MORC2: variants seen among roughly 807,000 people sequenced by gnomAD.
MORC2 encodes the protein MORC family CW-type zinc finger 2, also known as ATPase MORC2.
MORC2 carries 30 observed loss-of-function variants against 136.0 expected under a neutral mutation model. That is an observed-to-expected ratio of 0.22 (90% CI 0.17 to 0.30). The LOEUF (loss-of-function observed/expected upper bound fraction) is 0.30, where lower values mean the gene tolerates loss of function less well. Among genes scored for constraint, MORC2 ranks in the 10% least tolerant of loss-of-function variants. The probability of loss-of-function intolerance (pLI) is 1.00; values close to 1 mark genes in which losing one functional copy is unlikely to be tolerated. For missense variants in MORC2, 922 were observed against 1,333.1 expected (o/e 0.69, Z 4.80); for synonymous variants, 439 against 487.0 (o/e 0.90, Z 1.30).
chr22:30,946,564 GC>G (rs1040266280), intron 5 of MORC2, 115 bp from the exon 6 acceptor site: 34 of 817,682 alleles, frequency 4.2e-5, no homozygotes, highest in African/African-American at 1.0e-4. Context: ...TCTCCTAAAG[GC>G]CCCCCCAGGT....
At chr22:30,933,926 G>A in intron 20 of MORC2, 134 bp downstream of exon 20, 1 of 1,058,634 alleles carries the variant, frequency 9.4e-7, no homozygotes, top group Non-Finnish European at 1.4e-6. Flanking sequence ...ACTGCTGGTG[G>A]GGGGGGTAGA....
Position 30,935,071 on chromosome 22 carries a change from G to C in MORC2, c.1903C>G (p.Pro635Ala). ...TTTCGGGGCTGGCTGGCTGGTCTAG[G>C]AGTTGGCAAAGAAGGGGGTCTGCTG... ...APSRPPSLPT[P>A]RPASQPRKAP... The change falls in exon 19 of 26, where the codon CCT becomes GCT. Residue 635 changes from proline (P) to alanine (A), a missense_variant. Pro to Ala is a conservative substitution (Grantham distance 27). Around this residue, in one of 9 missense-constraint regions of MORC2, gnomAD observed 184 missense variants for 180.3 expected, o/e 1.02. Transcript: ENST00000397641. 1.2e-6 allele frequency: 2 copies of C among 1,614,010 alleles called. No individual in the cohort carries two copies. The highest frequency in any genetic ancestry group is 8.5e-7 in the Non-Finnish European group (1 of 1,180,022).
intron 20 of MORC2, 32 bp from the exon 21 acceptor site, chr22:30,933,552 C>T (rs1399441153): frequency 6.2e-7 from 1 of 1,610,558 alleles, no homozygotes; most frequent in Non-Finnish European, 8.5e-7. Context: ...AGAGGCATCC[C>T]CAGTGCCCCC....
At position 30,946,389 on chromosome 22, in the gene MORC2, G is replaced by A; in HGVS notation, c.378C>T (p.Thr126=). The change falls in exon 6 of 26, where the codon ACC becomes ACT. Residue 126 remains threonine, a synonymous_variant. Coordinates refer to ENST00000397641, the MANE Select transcript of MORC2 (RefSeq NM_001303256.3). ...ILFTKKEDTM[T]CLFLSRTFHE... Reference sequence around the variant, plus strand: ...GAAACGTGCGAGACAGGAAGAGGCAGGTCATGGTGTCTTCCTTCTTGGTGA... The same window carrying A: ...GAAACGTGCGAGACAGGAAGAGGCAAGTCATGGTGTCTTCCTTCTTGGTGA... 6.2e-7 allele frequency: 1 copy of A among 1,610,954 alleles called. No homozygotes were observed. Among genetic ancestry groups the A allele is most frequent in the Non-Finnish European group, 8.5e-7 (1 of 1,178,546 alleles).
chr22:30,946,362 A>G lies in MORC2; in HGVS notation c.405T>C (p.His135=), dbSNP rs144582460. 1.6e-4 allele frequency: 256 copies of G among 1,609,956 alleles called. No homozygotes were observed. The highest frequency in any genetic ancestry group is 3.0e-4 in the Admixed American group (18 of 59,590). Residue 135 remains histidine (H), a synonymous_variant, in exon 6 of 26, where the codon CAT becomes CAC. Transcript: ENST00000397641. ...MTCLFLSRTF[H]EEEGIDEVIV... is the part of the protein sequence containing the mutation. Reference sequence around the variant, plus strand: ...CTACTTCATCAATGCCTTCTTCCTCATGAAACGTGCGAGACAGGAAGAGGC... The same window carrying G: ...CTACTTCATCAATGCCTTCTTCCTCGTGAAACGTGCGAGACAGGAAGAGGC...
intron 10 of MORC2, 22 bp from the exon 11 acceptor site, chr22:30,940,063 G>GGT: frequency 1.9e-6 from 3 of 1,610,450 alleles, no homozygotes; most frequent in Non-Finnish European, 2.5e-6. Flanking sequence ...AAGAGAACAT[G>GGT]GTAAGAAATG....
intron 24 of MORC2, 28 bp from the exon 25 acceptor site, chr22:30,928,235 T>G: frequency 2.5e-6 from 4 of 1,612,964 alleles, no homozygotes; most frequent in Non-Finnish European, 3.4e-6. Context: ...AGAGGGAGAG[T>G]GTGTAAGTTC....
chr22:30,940,783 C>T lies in MORC2; in HGVS notation c.879G>A (p.Lys293=). ...RFKTRAEQEV[K]KAEHVARIAE... The stretch of plus-strand genomic sequence containing the variant: ...CAATCCTTGCTACGTGCTCTGCTTT[C>T]TTCACCTCCTGCTCCGCACGGGTCT... Residue 293 remains lysine, a synonymous_variant, in exon 10 of 26, where the codon AAG becomes AAA. Transcript: ENST00000397641. The T allele has an allele frequency of 6.2e-7, 1 of 1,614,166 alleles. No homozygotes were observed.
rs1470559462 is a variant in MORC2 at position 30,968,653 on chromosome 22, T to C, written c.-764A>G. 1.3e-5 allele frequency among the ~76,000 whole-genome samples: 2 copies of C among 151,874 alleles called. No individual in the cohort carries two copies. The highest frequency in any genetic ancestry group is 2.9e-5 in the Non-Finnish European group (2 of 67,962). ...CAACAGCCTCAGCCTCCCAGGCCCT[T>C]CCCGGGCCTCGGTCCCGTGGCCGCC... On this transcript the variant is annotated 5_prime_UTR_variant, in exon 1 of 26. Transcript: ENST00000397641.
Position 30,934,335 on chromosome 22 carries a change from G to A in MORC2, c.2194-144C>T. 1 of 1,206,324 alleles carries A rather than the reference G, an allele frequency of 8.3e-7. No individual in the cohort carries two copies. 74.7% of individuals were successfully genotyped at this position (1,206,324 alleles called of 1,614,324 possible). A position where few individuals can be genotyped will look rare whatever the true frequency, so the allele number is the denominator to read the frequency against. On this transcript the variant is annotated intron_variant, in intron 19 of 25. Transcript: ENST00000397641. This position sits in a 1 kb window ranked among gnomAD's most constrained non-coding sequence, Gnocchi z 4.4. Reference sequence around the variant, plus strand: ...CTGACATTACTTGGAATGTACACAGGCAACCCACTGGCCCCTGCGCCATAA... The same window carrying A: ...CTGACATTACTTGGAATGTACACAGACAACCCACTGGCCCCTGCGCCATAA...
intron 6 of MORC2, among the ~76,000 whole-genome samples, chr22:30,945,807 G>T (rs1285629442): frequency 6.6e-6 from 1 of 152,182 alleles, no homozygotes; most frequent in East Asian, 1.9e-4. Flanking sequence ...CACAGCATCA[G>T]CTCTGTTTTC....
At chr22:30,956,637 A>G in intron 3 of MORC2, 126 bp downstream of exon 3, 1 of 776,326 alleles carries the variant, frequency 1.3e-6, no homozygotes, top group Non-Finnish European at 2.1e-6. Flanking sequence ...TCTACCTATG[A>G]CCTGGAATAA....
At chr22:30,956,166 C>G (rs2040965261) in intron 3 of MORC2, among the ~76,000 whole-genome samples, 1 of 152,136 alleles carries the variant, frequency 6.6e-6, no homozygotes, top group Admixed American at 6.5e-5. Context: ...TGCACTCACT[C>G]TAGGAAAAGG....
Position 30,934,181 on chromosome 22 carries a change from C to A in MORC2, c.2204G>T (p.Ser735Ile). 1 of 1,614,146 alleles carries A rather than the reference C, an allele frequency of 6.2e-7. No homozygotes were observed. Among genetic ancestry groups the A allele is most frequent in the Non-Finnish European group, 8.5e-7 (1 of 1,180,012 alleles). Residue 735 changes from serine (S) to isoleucine (I), a missense_variant, in exon 20 of 26, where the codon AGT (serine) becomes ATT (isoleucine). This residue lies in a region of MORC2 where 184 missense variants were observed against 180.3 expected (regional missense o/e 1.02). Coordinates refer to ENST00000397641, the MANE Select transcript of MORC2 (RefSeq NM_001303256.3). This position sits in a 1 kb window ranked among gnomAD's most constrained non-coding sequence, Gnocchi z 4.4. Reference protein sequence around the residue: ...SPIKLSPATPSRKRSVAVSDE... With the variant: ...SPIKLSPATPIRKRSVAVSDE... The stretch of plus-strand genomic sequence containing the variant: ...AGAAACTGCGACACTCCGCTTCCGA[C>A]TAGGGGTAGCCTAGAGCAAGAGGAG...
In MORC2 at chr22:30,928,196, G is replaced by A; in HGVS notation, c.2853C>T (p.Phe951=). The A allele has an allele frequency of 6.2e-7, 1 of 1,614,134 alleles. No homozygotes were observed. Among genetic ancestry groups the A allele is most frequent in the South Asian group, 1.1e-5 (1 of 91,082 alleles). Residue 951 remains phenylalanine (F), a synonymous_variant, in exon 25 of 26, where the codon TTC becomes TTT. Transcript: ENST00000397641. The part of the protein sequence containing the change: ...ELISFPLKEY[F]KQYEVGLQNL... ...TTTGGAGCCCTACTTCATATTGCTTGAAGTACTCCTTCTGTTGGGAGCAGA... is the reference window on the plus strand; with the variant it reads ...TTTGGAGCCCTACTTCATATTGCTTAAAGTACTCCTTCTGTTGGGAGCAGA...
chr22:30,937,953 C>A lies in MORC2; in HGVS notation c.1231G>T (p.Val411Phe), dbSNP rs2040680732. 1 of 1,613,962 alleles carries A rather than the reference C, an allele frequency of 6.2e-7. No homozygotes were observed. The highest frequency in any genetic ancestry group is 1.3e-5 in the African/African-American group (1 of 74,892). Residue 411 changes from valine (V) to phenylalanine (F), a missense_variant, in exon 14 of 26, where the codon GTT (valine) becomes TTT (phenylalanine). By Grantham distance (50) the Val-to-Phe change is conservative. This residue lies in a region of MORC2 where 16 missense variants were observed against 75.6 expected (regional missense o/e 0.21). Coordinates refer to ENST00000397641, the MANE Select transcript of MORC2 (RefSeq NM_001303256.3). The surrounding 1 kb of genome is among the most constrained non-coding windows in gnomAD (Gnocchi z 4.7). ...LEGGMACGGVVGVVDVPYLVL... is the reference protein window; with the variant it reads ...LEGGMACGGVFGVVDVPYLVL... ...AGGTAGGGCACATCAACAACCCCAA[C>A]AACCCCGCCACATGCCCTACAGGGA...
intron 6 of MORC2, among the ~76,000 whole-genome samples, chr22:30,944,764 A>G (rs1272898793): frequency 6.6e-6 from 1 of 152,056 alleles, no homozygotes; most frequent in Non-Finnish European, 1.5e-5. Context: ...CTAATCAATC[A>G]ATCACCAAAT....
At chr22:30,939,009 C>T (rs895465142) in intron 12 of MORC2, among the ~76,000 whole-genome samples, 1 of 152,042 alleles carries the variant, frequency 6.6e-6, no homozygotes, top group Non-Finnish European at 1.5e-5. Context: ...AGAGAAAAAA[C>T]CTGAAACCCA....
intron 1 of MORC2, among the ~76,000 whole-genome samples, chr22:30,959,433 T>G (rs1271138725): frequency 1.3e-5 from 2 of 152,278 alleles, no homozygotes; most frequent in East Asian, 3.8e-4. Flanking sequence ...TTACCTTCTC[T>G]TTCAAATGGG....
Sources: gnomAD v4.1 joint callset for allele counts (sites outside exome capture counted in the v4.1 genomes callset) on GRCh38, gnomAD v4.1.1 for gene constraint, gnomAD v4.1.1 regional missense constraint, Gnocchi (gnomAD v3.1) non-coding constraint, MANE v1.5 for transcripts, NCBI Gene and HGNC (gene_info 2026-07-23, HGNC 2026-07-21) for gene names.